ILF2: variants seen among roughly 807,000 people sequenced by gnomAD.
ILF2 encodes the protein interleukin enhancer-binding factor 2.
In ILF2, 9 loss-of-function variants were observed where a neutral mutation model predicts 55.3. That is an observed-to-expected ratio of 0.16 (90% CI 0.10 to 0.28). ILF2 has a LOEUF of 0.28. Among genes scored for constraint, ILF2 ranks in the 10% least tolerant of loss-of-function variants. The pLI is 1.00. For synonymous variants in ILF2, 151 were observed against 161.8 expected (o/e 0.93, Z 0.50); for missense variants, 266 against 474.9 (o/e 0.56, Z 4.09).
At chr1:153,670,046 G>A (rs758682258) in intron 2 of ILF2, 125 bp downstream of exon 2, 14 of 1,118,404 alleles carry the variant, frequency 1.3e-5, no homozygotes, top group Middle Eastern at 2.0e-4. Flanking sequence ...TTTAACAGGA[G>A]TGCAGGAAAA....
intron 3 of ILF2, 33 bp from the exon 4 acceptor site, chr1:153,668,590 G>A: frequency 6.3e-7 from 1 of 1,594,040 alleles, no homozygotes. Flanking sequence ...CATTCTATTT[G>A]CCGAAGATAA....
Position 153,663,225 on chromosome 1 carries a change from C to T in ILF2, c.796G>A (p.Val266Ile). 1.2e-6 allele frequency: 2 copies of T among 1,614,174 alleles called. No homozygotes were observed. The highest frequency in any genetic ancestry group is 1.7e-6 in the Non-Finnish European group (2 of 1,180,012). ...NPTRQPLALN[V>I]AYRRCLQILA... ...CAAAGCATGCTGTACCTGTATGCAACGTTTAGGGCCAAAGGCTGTCTGGTG... is the reference window on the plus strand; with the variant it reads ...CAAAGCATGCTGTACCTGTATGCAATGTTTAGGGCCAAAGGCTGTCTGGTG... Residue 266 changes from valine to isoleucine, a missense_variant, in exon 11 of 14, where the codon GTT (valine) becomes ATT (isoleucine). Val to Ile is a conservative substitution (Grantham distance 29). Transcript: ENST00000361891.
Position 153,670,986 on chromosome 1 carries a change from C to A in ILF2, c.-64G>T. ...GCCCCTTCCTCTGAGTAGCAGACAACTGAAGAGGCGTCTTGCCGGCGTGTC... is the reference window on the plus strand; with the variant it reads ...GCCCCTTCCTCTGAGTAGCAGACAAATGAAGAGGCGTCTTGCCGGCGTGTC... On this transcript the variant is annotated 5_prime_UTR_variant, in exon 1 of 14. Transcript: ENST00000361891. 1.2e-6 allele frequency: 2 copies of A among 1,605,246 alleles called. No individual in the cohort carries two copies. Among genetic ancestry groups the A allele is most frequent in the South Asian group, 2.2e-5 (2 of 90,910 alleles).
rs1453891472 is a variant in ILF2 at position 153,663,048 on chromosome 1, C to T, written c.892G>A (p.Val298Ile). 1 of 1,614,042 alleles carries T rather than the reference C, an allele frequency of 6.2e-7. No homozygotes were observed. The highest frequency in any genetic ancestry group is 1.7e-5 in the Admixed American group (1 of 60,006). Residue 298 changes from valine to isoleucine, a missense_variant, in exon 12 of 14, where the codon GTA becomes ATA. Physicochemically the swap from Val to Ile is conservative, Grantham distance 29. Transcript: ENST00000361891. ...TDPCESGNFR[V>I]HTVMTLEQQD... ...TGTTCTAGGGTCATGACTGTGTGTA[C>T]TCTAAAGTTGCCACTCTCACAGGGG... is the stretch of plus-strand genomic sequence containing the variant.
chr1:153,666,123 A>T (rs1669298705), intron 6 of ILF2, among the ~76,000 whole-genome samples: 1 of 151,984 alleles, frequency 6.6e-6, no homozygotes, highest in Non-Finnish European at 1.5e-5. Context: ...ATCACAGCTC[A>T]CTGCAGCCTC....
At chr1:153,667,334 TG>T in intron 6 of ILF2, 1 of 565,196 alleles carries the variant, frequency 1.8e-6, no homozygotes, top group Non-Finnish European at 3.1e-6. Flanking sequence ...AAAAATTAGC[TG>T]GGTGTGGTAG....
chr1:153,667,964 C>A (rs1411740229), intron 5 of ILF2, 36 bp downstream of exon 5: 2 of 1,453,610 alleles, frequency 1.4e-6, no homozygotes, highest in South Asian at 2.4e-5. Context: ...ACTACCAAAG[C>A]TGCCCTTTCC....
rs758586177 is a variant in ILF2 at position 153,664,428 on chromosome 1, G to C, written c.624C>G (p.Ala208=). Residue 208 remains alanine (A), a synonymous_variant, in exon 9 of 14, where the codon GCC becomes GCG. Transcript: ENST00000361891. ...GAGAAGCATTTTCCTCGAACCAGCG[G>C]GCATGTCGGATGGCTGCTAAGGCAC... ...LQSALAAIRH[A]RWFEENASQS... 17 of 1,613,892 alleles carry C rather than the reference G, an allele frequency of 1.1e-5. 1 individual carries two copies. In the African/African-American group the frequency reaches 1.9e-4, roughly 18 times the overall value.
chr1:153,662,278 C>CTT lies in ILF2; in HGVS notation c.*116_*117dup, dbSNP rs1669188980. On this transcript the variant is annotated 3_prime_UTR_variant, in exon 14 of 14. Coordinates refer to ENST00000361891, the MANE Select transcript of ILF2 (RefSeq NM_004515.4). ...TGGAATGACACTTCTATGGAGTTTA[C>CTT]TTTTCTTCCTGCTATCTTCCCTATC... The CTT allele has an allele frequency of 3.0e-6, 4 of 1,315,910 alleles. No individual in the cohort carries two copies. Among genetic ancestry groups the CTT allele is most frequent in the Non-Finnish European group, 3.1e-6 (3 of 954,910 alleles). 81.5% of individuals were successfully genotyped at this position (1,315,910 alleles called of 1,614,324 possible).
At chr1:153,668,853 C>T (rs540672704) in intron 3 of ILF2, among the ~76,000 whole-genome samples, 10 of 151,704 alleles carry the variant, frequency 6.6e-5, no homozygotes, top group Admixed American at 4.6e-4. Flanking sequence ...GCCAAGATCG[C>T]GCCATTGCAA....
rs757948387 is a variant in ILF2 at position 153,663,151 on chromosome 1, A to G, written c.807-18T>C. The G allele has an allele frequency of 6.2e-7, 1 of 1,613,584 alleles. No individual in the cohort carries two copies. The highest frequency in any genetic ancestry group is 8.5e-7 in the Non-Finnish European group (1 of 1,179,498). ...AGCAGCGCCTAGAACACAGGGAGGT[A>G]TGAGGTATTAAAGGAATGCACAAAA... On this transcript the variant is annotated intron_variant, in intron 11 of 13. Coordinates refer to ENST00000361891, the MANE Select transcript of ILF2 (RefSeq NM_004515.4).
Position 153,667,677 on chromosome 1 carries a change from G to C in ILF2, c.292-20C>G. Reference sequence around the variant, plus strand: ...AATTTGCTGTTGGAAAAAGGATTTCGGGGAAAAACAATTTAGAAGAAAAAA... The same window carrying C: ...AATTTGCTGTTGGAAAAAGGATTTCCGGGAAAAACAATTTAGAAGAAAAAA... On this transcript the variant is annotated intron_variant, in intron 5 of 13. Transcript: ENST00000361891. 6.5e-7 allele frequency: 1 copy of C among 1,543,390 alleles called. No individual in the cohort carries two copies. Among genetic ancestry groups the C allele is most frequent in the Non-Finnish European group, 8.9e-7 (1 of 1,125,192 alleles).
At chr1:153,669,941 C>A (rs1450998373) in intron 2 of ILF2, 63 bp from the exon 3 acceptor site, 7 of 1,382,644 alleles carry the variant, frequency 5.1e-6, no homozygotes, top group Non-Finnish European at 7.2e-6. Context: ...GTAAATAACA[C>A]GCCAACAATT....
chr1:153,665,186 TA>T, intron 8 of ILF2, 33 bp downstream of exon 8: 1 of 1,270,876 alleles, frequency 7.9e-7, no homozygotes, highest in Non-Finnish European at 1.2e-6. Context: ...GAATATCCCC[TA>T]AATTTTCCAG....
intron 1 of ILF2, 147 bp from the exon 2 acceptor site, chr1:153,670,377 G>A (rs2101718198): frequency 1.4e-6 from 1 of 713,970 alleles, no homozygotes; most frequent in Non-Finnish European, 2.4e-6. Context: ...TCCAAATGGT[G>A]CCCAGTTACA....
rs570724542 is a variant in ILF2 at position 153,667,190 on chromosome 1, C to T, written c.394+365G>A. On this transcript the variant is annotated intron_variant, in intron 6 of 13. Transcript: ENST00000361891. The stretch of plus-strand genomic sequence containing the variant: ...ACAAGAAATTTGAGCTTTCAAGATC[C>T]GTAAGGGCTGGGCACAGTGGCTCAC... 902 of 332,778 alleles carry T rather than the reference C, an allele frequency of 2.7e-3. 4 individuals carry two copies. The highest frequency in any genetic ancestry group is 4.1e-3 in the Non-Finnish European group (760 of 183,960). 20.6% of individuals were successfully genotyped at this position (332,778 alleles called of 1,614,324 possible).
chr1:153,664,533 T>A (rs1669258586), intron 8 of ILF2, 59 bp from the exon 9 acceptor site: 1 of 1,290,384 alleles, frequency 7.7e-7, no homozygotes, highest in Non-Finnish European at 1.1e-6. Context: ...AGCTACTCAT[T>A]ACCACTGCTA....
chr1:153,668,383 AAC>A, intron 4 of ILF2, 68 bp downstream of exon 4: 1 of 1,571,620 alleles, frequency 6.4e-7, no homozygotes, highest in East Asian at 2.3e-5. Context: ...TAACCTTACC[AAC>A]AGTTACTCTT....
chr1:153,665,526 T>G, intron 7 of ILF2, 137 bp downstream of exon 7: 1 of 852,858 alleles, frequency 1.2e-6, no homozygotes, highest in South Asian at 1.4e-5. Context: ...CTGAAGCCCC[T>G]GCCAAAAACT....
Sources: allele counts gnomAD v4.1 joint callset (sites outside exome capture counted in the v4.1 genomes callset), GRCh38; gene constraint gnomAD v4.1.1; transcripts MANE v1.5; gene names NCBI Gene and HGNC (gene_info 2026-07-23, HGNC 2026-07-21).